Variants in BICD1 observed in about 807,000 individuals in gnomAD.
BICD1 encodes BICD cargo adaptor 1.
Under a neutral mutation model 92.5 loss-of-function variants are expected in BICD1, and 35 were observed. The observed-to-expected ratio is 0.38, with a 90% confidence interval of 0.29 to 0.50. BICD1 has a LOEUF of 0.50. Among genes scored for constraint, BICD1 ranks in the 20% least tolerant of loss-of-function variants. BICD1 has a pLI of 0.93. For missense variants in BICD1, 950 were observed against 1,189.8 expected (o/e 0.80, Z 2.97); for synonymous variants, 429 against 465.1 (o/e 0.92, Z 1.00).
intron 8 of BICD1, chr12:32,340,405 C>A: frequency 1.0e-6 from 1 of 985,344 alleles, no homozygotes; most frequent in Non-Finnish European, 1.2e-6. Flanking sequence ...CTGTGAATCA[C>A]CAAAGTGGTA....
intron 2 of BICD1, among the ~76,000 whole-genome samples, chr12:32,252,561 T>C (rs972198619): frequency 6.6e-6 from 1 of 152,144 alleles, no homozygotes; most frequent in African/African-American, 2.4e-5. Context: ...GTTCAGTCAA[T>C]TATCAGGCGT....
chr12:32,382,412 T>G lies in BICD1; in HGVS notation c.*4785T>G, dbSNP rs1415156145. ...ATGAATTATTTCACATCATGTAAGC[T>G]TTCCCATATTCATAAGATGAACACT... On this transcript the variant is annotated 3_prime_UTR_variant, in exon 10 of 10. Transcript: ENST00000652176. The G allele has an allele frequency of 6.6e-6, 1 of 152,130 alleles. No individual in the cohort carries two copies. Among genetic ancestry groups the G allele is most frequent in the Non-Finnish European group, 1.5e-5 (1 of 67,966 alleles). The allele number at this position is 152,130 out of a possible 1,614,324, so 9.4% of individuals were successfully genotyped here.
chr12:32,261,290 T>G (rs538788509), intron 2 of BICD1, among the ~76,000 whole-genome samples: 2 of 152,364 alleles, frequency 1.3e-5, no homozygotes, highest in African/African-American at 4.8e-5. Context: ...CCTCTTCCTG[T>G]GTTTTACCCT....
intron 1 of BICD1, chr12:32,109,271 A>G (rs914332430): frequency 6.6e-5 from 10 of 152,236 alleles, no homozygotes; most frequent in Non-Finnish European, 1.5e-4. Context: ...CACAGTGGGC[A>G]TGAAATATTT....
chr12:32,177,682 A>ATTCTTTTTTT (rs766041969), intron 1 of BICD1, among the ~76,000 whole-genome samples: 1 of 43,038 alleles, frequency 2.3e-5, no homozygotes, highest in Non-Finnish European at 4.3e-5. Context: ...AAGAAAACAC[A>ATTCTTTTTTT]TTATTAAAGT....
intron 2 of BICD1, among the ~76,000 whole-genome samples, chr12:32,274,654 G>A (rs11051893): frequency 0.1 from 15,330 of 152,108 alleles, 1,120 homozygotes; most frequent in East Asian, 0.2. Flanking sequence ...CACAGAAAGG[G>A]AAACTATGAC....
intron 8 of BICD1, 25 bp downstream of exon 8, chr12:32,339,004 T>C (rs200190048): frequency 1.3e-6 from 2 of 1,574,118 alleles, no homozygotes; most frequent in Non-Finnish European, 1.7e-6. Context: ...CTTGGGTGCA[T>C]GTGATGCAAA....
intron 9 of BICD1, among the ~76,000 whole-genome samples, chr12:32,372,932 A>T (rs1565703372): frequency 6.6e-6 from 1 of 152,242 alleles, no homozygotes; most frequent in Non-Finnish European, 1.5e-5. Context: ...GGCTAATTCC[A>T]TTGTAGAGCT....
chr12:32,172,474 A>G (rs979474998), intron 1 of BICD1, among the ~76,000 whole-genome samples: 1 of 152,210 alleles, frequency 6.6e-6, no homozygotes, highest in Non-Finnish European at 1.5e-5. Flanking sequence ...AGAGATCCAG[A>G]ATCTAGAGCC....
intron 2 of BICD1, among the ~76,000 whole-genome samples, chr12:32,247,647 T>C (rs974358785): frequency 6.6e-6 from 1 of 151,280 alleles, no homozygotes; most frequent in African/African-American, 2.4e-5. Context: ...GGTGTGGTGG[T>C]GCACACTCAC....
intron 5 of BICD1, among the ~76,000 whole-genome samples, chr12:32,330,004 G>A (rs1937771940): frequency 6.6e-6 from 1 of 152,176 alleles, no homozygotes; most frequent in African/African-American, 2.4e-5. Flanking sequence ...CCAGTGAATA[G>A]TAGGTCAAGG....
At chr12:32,187,208 T>G (rs138599091) in intron 1 of BICD1, among the ~76,000 whole-genome samples, 1 of 152,330 alleles carries the variant, frequency 6.6e-6, no homozygotes, top group African/African-American at 2.4e-5. Flanking sequence ...AGACAGTAAA[T>G]TAATAAATAA....
intron 1 of BICD1, among the ~76,000 whole-genome samples, chr12:32,212,495 G>A (rs890619236): frequency 6.6e-6 from 1 of 152,108 alleles, no homozygotes. Flanking sequence ...CATGATCTCG[G>A]CTCACTGCAA....
At chr12:32,261,510 G>A (rs1405240259) in intron 2 of BICD1, among the ~76,000 whole-genome samples, 2 of 152,088 alleles carry the variant, frequency 1.3e-5, no homozygotes, top group African/African-American at 4.8e-5. Flanking sequence ...AAAGTCTGCC[G>A]CCCACTAAGA....
intron 5 of BICD1, among the ~76,000 whole-genome samples, chr12:32,330,441 A>G (rs900944793): frequency 7.1e-5 from 10 of 141,400 alleles, no homozygotes; most frequent in Admixed American, 1.4e-4. Context: ...GGGGGAGGGG[A>G]GAGGGATAGC....
At chr12:32,318,319 C>T (rs1237604587) in intron 4 of BICD1, among the ~76,000 whole-genome samples, 6 of 152,216 alleles carry the variant, frequency 3.9e-5, no homozygotes, top group Admixed American at 6.5e-5. Context: ...GCCATTTTAA[C>T]GATATTGATT....
At chr12:32,131,236 C>T (rs1014796519) in intron 1 of BICD1, among the ~76,000 whole-genome samples, 1 of 152,160 alleles carries the variant, frequency 6.6e-6, no homozygotes, top group African/African-American at 2.4e-5. Context: ...CTGGTTTGAA[C>T]TTTGGATTTA....
intron 8 of BICD1, among the ~76,000 whole-genome samples, chr12:32,348,726 AT>A (rs1938736510): frequency 2.6e-3 from 10 of 3,780 alleles, no homozygotes; most frequent in East Asian, 0.022. Context: ...ACACAAAAAT[AT>A]ATATATATAT....
At chr12:32,118,984 T>G (rs181697784) in intron 1 of BICD1, among the ~76,000 whole-genome samples, 51 of 152,176 alleles carry the variant, frequency 3.4e-4, no homozygotes, top group Non-Finnish European at 6.6e-4. Flanking sequence ...ATTTCAGTTG[T>G]GAGAGGTGCC....
Sources: allele counts gnomAD v4.1 joint callset (sites outside exome capture counted in the v4.1 genomes callset), GRCh38; gene constraint gnomAD v4.1.1; transcripts MANE v1.5; gene names NCBI Gene and HGNC (gene_info 2026-07-23, HGNC 2026-07-21).